APP: variants seen among roughly 807,000 people sequenced by gnomAD.
APP encodes amyloid beta precursor protein, also known as amyloid-beta precursor protein.
A neutral mutation model predicts 101.4 loss-of-function variants in APP; 31 were observed. The ratio of observed to expected loss-of-function variants is 0.31; its 90% CI spans 0.23 to 0.41. APP has a LOEUF of 0.41. Among genes scored for constraint, APP ranks in the 10% least tolerant of loss-of-function variants. APP has a pLI of 1.00. For missense variants in APP, 839 were observed against 1,003.7 expected (o/e 0.84, Z 2.22); for synonymous variants, 366 against 364.4 (o/e 1.00, Z -0.05).
chr21:26,011,475 G>A (rs1416314651), intron 6 of APP, among the ~76,000 whole-genome samples: 1 of 152,094 alleles, frequency 6.6e-6, no homozygotes, highest in Non-Finnish European at 1.5e-5. Flanking sequence ...CCTCCCAGGG[G>A]ACATTTTTGA....
At chr21:26,146,268 AGAG>A (rs2146326063) in intron 1 of APP, among the ~76,000 whole-genome samples, 1 of 152,358 alleles carries the variant, frequency 6.6e-6, no homozygotes, top group South Asian at 2.1e-4. Flanking sequence ...CCTGGGAGGC[AGAG>A]GTTGCAGTGA....
Position 26,170,575 on chromosome 21 carries a change from G to A in APP, c.46C>T (p.Arg16Trp), listed in dbSNP as rs202070273. Residue 16 changes from arginine (R) to tryptophan (W), a missense_variant, in exon 1 of 18, where the codon CGG becomes TGG. By Grantham distance (101) the Arg-to-Trp change is moderately radical. Coordinates refer to ENST00000346798, the MANE Select transcript of APP (RefSeq NM_000484.4). ...GGCGCGGCACCCACCTCCAGCGCCC[G>A]AGCCGTCCAGGCGGCCAGCAGGAGC... ...ALLLLAAWTA[R>W]ALEVPTDGNA... 42 of 1,538,594 alleles carry A rather than the reference G, an allele frequency of 2.7e-5. No individual in the cohort carries two copies. The highest frequency in any genetic ancestry group is 3.7e-5 in the Non-Finnish European group (42 of 1,146,438).
intron 13 of APP, among the ~76,000 whole-genome samples, chr21:25,949,904 C>G (rs559342136): frequency 6.6e-6 from 1 of 152,300 alleles, no homozygotes; most frequent in East Asian, 1.9e-4. Context: ...ACTATCTGGG[C>G]TGGGCAAGTT....
intron 13 of APP, chr21:25,941,226 T>C (rs868669311): frequency 2.0e-5 from 3 of 152,212 alleles, no homozygotes; most frequent in Non-Finnish European, 4.4e-5. Context: ...TCCAGGGCTA[T>C]GGATATAAGA....
At chr21:26,036,747 C>A (rs1043217046) in intron 5 of APP, among the ~76,000 whole-genome samples, 3 of 152,120 alleles carry the variant, frequency 2.0e-5, no homozygotes, top group Non-Finnish European at 4.4e-5. Flanking sequence ...AAGCTCTGTT[C>A]TAGTACAACC....
At chr21:26,058,692 T>G (rs190926742) in intron 3 of APP, among the ~76,000 whole-genome samples, 1 of 152,156 alleles carries the variant, frequency 6.6e-6, no homozygotes, top group Non-Finnish European at 1.5e-5. Flanking sequence ...TCCCAGCTAC[T>G]TGGGAGGCTG....
chr21:25,927,650 A>T (rs1265451246), intron 13 of APP, among the ~76,000 whole-genome samples: 2 of 145,532 alleles, frequency 1.4e-5, no homozygotes, highest in Admixed American at 1.4e-4. Flanking sequence ...ACATGTTTAA[A>T]TGAAGCATGC....
intron 1 of APP, among the ~76,000 whole-genome samples, chr21:26,138,911 T>G (rs561561786): frequency 6.6e-6 from 1 of 152,308 alleles, no homozygotes; most frequent in Admixed American, 6.5e-5. Flanking sequence ...AAGGAGGGCT[T>G]TCTTCGATAT....
chr21:26,040,517 G>A (rs547936360), intron 5 of APP, among the ~76,000 whole-genome samples: 7 of 151,556 alleles, frequency 4.6e-5, no homozygotes, highest in East Asian at 2.0e-4. Context: ...CAGGAGAATC[G>A]CTTGAACCTG....
At chr21:26,033,070 G>T (rs1459427294) in intron 5 of APP, among the ~76,000 whole-genome samples, 1 of 152,246 alleles carries the variant, frequency 6.6e-6, no homozygotes, top group East Asian at 1.9e-4. Context: ...CTACAAAGAA[G>T]GTAGCAAACA....
chr21:26,132,514 C>T (rs959326946), intron 1 of APP, among the ~76,000 whole-genome samples: 1 of 94,752 alleles, frequency 1.1e-5, no homozygotes, highest in African/African-American at 9.1e-5. Context: ...TTTAGTTCTC[C>T]TCTACCTTTA....
At position 25,993,208 on chromosome 21, in the gene APP, G is replaced by A. The variant is rs62222412; in HGVS notation, c.1090+4152C>T. On this transcript the variant is annotated intron_variant, in intron 8 of 17. Coordinates refer to ENST00000346798, the MANE Select transcript of APP (RefSeq NM_000484.4). ...GTACCAGTCTGTTTCATGTCATCTGGACCATTCTGATGTGCCTAGAAATCA... is the reference window on the plus strand; with the variant it reads ...GTACCAGTCTGTTTCATGTCATCTGAACCATTCTGATGTGCCTAGAAATCA... Among the ~76,000 whole-genome samples, 1,348 of 152,190 alleles carry A rather than the reference G, an allele frequency of 8.9e-3. 9 individuals are homozygous for A. Among genetic ancestry groups the A allele is most frequent in the Admixed American group, 0.012 (190 of 15,274 alleles).
chr21:26,038,527 C>A (rs1371619761), intron 5 of APP, among the ~76,000 whole-genome samples: 1 of 152,010 alleles, frequency 6.6e-6, no homozygotes, highest in Non-Finnish European at 1.5e-5. Context: ...ACTTTGGGAG[C>A]CCGAGGCAGG....
intron 2 of APP, among the ~76,000 whole-genome samples, chr21:26,111,358 C>T (rs2062317968): frequency 6.6e-6 from 1 of 152,050 alleles, no homozygotes; most frequent in Admixed American, 6.6e-5. Context: ...ATGTATCAAG[C>T]TGGTAACAGA....
At chr21:26,004,468 T>C (rs28378072) in intron 6 of APP, among the ~76,000 whole-genome samples, 2 of 149,594 alleles carry the variant, frequency 1.3e-5, no homozygotes, top group Non-Finnish European at 3.0e-5. Context: ...TTTTTTTCGA[T>C]TTTTTAGTAG....
intron 3 of APP, among the ~76,000 whole-genome samples, chr21:26,059,211 G>A (rs2046168750): frequency 6.6e-6 from 1 of 152,172 alleles, no homozygotes; most frequent in Non-Finnish European, 1.5e-5. Flanking sequence ...TCAAGGCACA[G>A]ATTATTTGAA....
At chr21:25,983,374 T>C (rs1253360467) in intron 8 of APP, among the ~76,000 whole-genome samples, 3 of 152,198 alleles carry the variant, frequency 2.0e-5, no homozygotes, top group Non-Finnish European at 2.9e-5. Context: ...ATCAAATCAA[T>C]TGTTTCATTC....
chr21:26,026,306 G>A (rs1006303880), intron 5 of APP, among the ~76,000 whole-genome samples: 1 of 152,116 alleles, frequency 6.6e-6, no homozygotes, highest in African/African-American at 2.4e-5. Context: ...ACAGAACAAG[G>A]GAACCATCTG....
chr21:25,970,711 G>A lies in APP; in HGVS notation c.1458+4359C>T, dbSNP rs1042486793. Among the ~76,000 whole-genome samples the A allele has an allele frequency of 4.6e-5, 7 of 152,128 alleles. No individual in the cohort carries two copies. In the South Asian group the frequency reaches 8.3e-4, roughly 18 times the overall value. On this transcript the variant is annotated intron_variant, in intron 11 of 17. Transcript: ENST00000346798. The stretch of plus-strand genomic sequence containing the variant: ...GTGAGAAGGCACCACAGTGACTCGC[G>A]GCTCTACCCTCTCCCTTCCCAGCAG...
Sources: gnomAD v4.1 joint callset for allele counts (sites outside exome capture counted in the v4.1 genomes callset) on GRCh38, gnomAD v4.1.1 for gene constraint, MANE v1.5 for transcripts, NCBI Gene and HGNC (gene_info 2026-07-23, HGNC 2026-07-21) for gene names.